SERAC1: variants seen among roughly 807,000 people sequenced by gnomAD.
SERAC1 encodes protein SERAC1.
A neutral mutation model predicts 85.7 loss-of-function variants in SERAC1; 36 were observed. The ratio of observed to expected loss-of-function variants is 0.42; its 90% CI spans 0.32 to 0.55. The LOEUF (loss-of-function observed/expected upper bound fraction) is 0.55. Among genes scored for constraint, SERAC1 ranks in the 20% least tolerant of loss-of-function variants. The probability of loss-of-function intolerance (pLI) is 0.11; values close to 1 mark genes in which losing one functional copy is unlikely to be tolerated. For synonymous variants in SERAC1, 242 were observed against 265.3 expected (o/e 0.91, Z 0.85); for missense variants, 629 against 796.2 (o/e 0.79, Z 2.53).
In SERAC1 at chr6:158,140,639, C is replaced by G. The variant is rs534160077; in HGVS notation, c.738+2417G>C. 9.2e-5 allele frequency among the ~76,000 whole-genome samples: 14 copies of G among 152,302 alleles called. 1 individual carries two copies. In the South Asian group the frequency reaches 2.5e-3, roughly 27 times the overall value. On this transcript the variant is annotated intron_variant, in intron 8 of 16. Coordinates refer to ENST00000647468, the MANE Select transcript of SERAC1 (RefSeq NM_032861.4). Reference sequence around the variant, plus strand: ...CCCAAGGTGGGGGTCATGGGCACTCCCAGTTTATGGCTGGTTGATCAGAAG... The same window carrying G: ...CCCAAGGTGGGGGTCATGGGCACTCGCAGTTTATGGCTGGTTGATCAGAAG...
At chr6:158,135,778 T>C (rs1272275561) in intron 8 of SERAC1, among the ~76,000 whole-genome samples, 1 of 152,140 alleles carries the variant, frequency 6.6e-6, no homozygotes, top group Non-Finnish European at 1.5e-5. Flanking sequence ...AAGGGAGGGA[T>C]GATATAACAA....
rs115373253 is a variant in SERAC1, at chr6:158,118,969, A to C, written c.1308+60T>G. The C allele has an allele frequency of 1.0e-3, 1,609 of 1,553,190 alleles. 15 individuals are homozygous for C. In the African/African-American group the frequency reaches 0.02, roughly 19 times the overall value. On this transcript the variant is annotated intron_variant, in intron 12 of 16. Coordinates refer to ENST00000647468, the MANE Select transcript of SERAC1 (RefSeq NM_032861.4). Reference sequence around the variant, plus strand: ...ACAAAGAGAAAAACAAGCAAGCCACAATCAGGGCCCCAGCAACCAGGGCCC... The same window carrying C: ...ACAAAGAGAAAAACAAGCAAGCCACCATCAGGGCCCCAGCAACCAGGGCCC...
chr6:158,122,757 G>A (rs1405017947), intron 10 of SERAC1, among the ~76,000 whole-genome samples: 1 of 152,192 alleles, frequency 6.6e-6, no homozygotes, highest in East Asian at 1.9e-4. Flanking sequence ...TCCAGCCTGG[G>A]CAACAGAGTG....
chr6:158,154,887 T>C (rs949383945), intron 3 of SERAC1, among the ~76,000 whole-genome samples: 1 of 152,116 alleles, frequency 6.6e-6, no homozygotes, highest in Non-Finnish European at 1.5e-5. Flanking sequence ...GTGCCCGATT[T>C]AAGCGTGCCG....
chr6:158,160,226 T>A (rs190281340), intron 1 of SERAC1, among the ~76,000 whole-genome samples: 3 of 152,060 alleles, frequency 2.0e-5, no homozygotes, highest in South Asian at 2.1e-4. Flanking sequence ...TTTTTTTTTT[T>A]ATTCATTAAG....
chr6:158,123,169 A>T (rs1405641810), intron 10 of SERAC1, among the ~76,000 whole-genome samples: 1 of 152,172 alleles, frequency 6.6e-6, no homozygotes, highest in East Asian at 1.9e-4. Flanking sequence ...TATGTAGGTA[A>T]CTCTTTCAGA....
intron 2 of SERAC1, among the ~76,000 whole-genome samples, chr6:158,156,219 G>A (rs979640062): frequency 6.6e-6 from 1 of 152,056 alleles, no homozygotes; most frequent in Admixed American, 6.6e-5. Context: ...TTTGGGTCTT[G>A]GAAAACTTTT....
In SERAC1 at chr6:158,119,570, AAG is replaced by A. The variant is rs926341493; in HGVS notation, c.1167-402_1167-401del. On this transcript the variant is annotated intron_variant, in intron 11 of 16. Transcript: ENST00000647468. The surrounding 1 kb of genome is among the most constrained non-coding windows in gnomAD (Gnocchi z 4.5). The stretch of plus-strand genomic sequence containing the variant: ...ACAGTTTCAAAGTCAGTATATATAA[AAG>A]AGATTTTCAAAAATGTGTTAAGGAA... Among the ~76,000 whole-genome samples the A allele has an allele frequency of 2.8e-4, 42 of 152,368 alleles. No homozygotes were observed. Among genetic ancestry groups the A allele is most frequent in the African/African-American group, 8.9e-4 (37 of 41,580 alleles).
intron 1 of SERAC1, chr6:158,158,827 T>C (rs34124489): frequency 0.037 from 5,625 of 152,664 alleles, 149 homozygotes; most frequent in South Asian, 0.069. Context: ...TTAGAATCCA[T>C]AGAAGCATTT....
At chr6:158,131,079 AACATT>A (rs1449886631) in intron 8 of SERAC1, among the ~76,000 whole-genome samples, 1 of 151,924 alleles carries the variant, frequency 6.6e-6, no homozygotes, top group Non-Finnish European at 1.5e-5. Context: ...CATAAATAAA[AACATT>A]TCAATTTTCT....
At chr6:158,150,733 A>T in intron 3 of SERAC1, 144 bp from the exon 4 acceptor site, 1 of 660,014 alleles carries the variant, frequency 1.5e-6, no homozygotes, top group South Asian at 1.9e-5. Flanking sequence ...TATAACATTT[A>T]TACAGTCATG....
rs79510891 is a variant in SERAC1 at position 158,130,613 on chromosome 6, T to C, written c.739-127A>G. 2.3e-3 allele frequency: 1,330 copies of C among 581,210 alleles called. 13 individuals are homozygous for C. The African/African-American group carries it at 0.024, about 10-fold the overall frequency. 36.0% of individuals were successfully genotyped at this position (581,210 alleles called of 1,614,324 possible). A position where few individuals can be genotyped will look rare whatever the true frequency, so the allele number is the denominator to read the frequency against. On this transcript the variant is annotated intron_variant, in intron 8 of 16. Coordinates refer to ENST00000647468, the MANE Select transcript of SERAC1 (RefSeq NM_032861.4). Reference sequence around the variant, plus strand: ...TACTAATGTGTAGGGCCTCAAAATATGTTGGAAATGTAAAAGGAACTTTAT... The same window carrying C: ...TACTAATGTGTAGGGCCTCAAAATACGTTGGAAATGTAAAAGGAACTTTAT...
intron 8 of SERAC1, among the ~76,000 whole-genome samples, chr6:158,138,406 G>A (rs1434854755): frequency 1.5e-5 from 2 of 132,610 alleles, no homozygotes; most frequent in African/African-American, 5.8e-5. Flanking sequence ...CTGAACTCCA[G>A]CCTGGGTGAC....
chr6:158,133,594 A>T (rs1396985954), intron 8 of SERAC1, among the ~76,000 whole-genome samples: 1 of 151,828 alleles, frequency 6.6e-6, no homozygotes, highest in Non-Finnish European at 1.5e-5. Flanking sequence ...ACCATGTTAG[A>T]CAGGATGGTC....
At chr6:158,136,447 T>C (rs1784794596) in intron 8 of SERAC1, among the ~76,000 whole-genome samples, 1 of 152,210 alleles carries the variant, frequency 6.6e-6, no homozygotes, top group East Asian at 1.9e-4. Flanking sequence ...TCGTGTTGGC[T>C]GTATGCTGGG....
chr6:158,165,772 T>C (rs1437656757), intron 1 of SERAC1, among the ~76,000 whole-genome samples: 4 of 152,136 alleles, frequency 2.6e-5, no homozygotes, highest in East Asian at 1.9e-4. Flanking sequence ...CCACGCAGAG[T>C]TGCTCTTCTC....
intron 15 of SERAC1, 92 bp downstream of exon 15, chr6:158,114,697 G>GAGATAATACATTCAAGGAATATAAAATT: frequency 1.3e-6 from 2 of 1,583,698 alleles, no homozygotes; most frequent in Non-Finnish European, 1.7e-6. Context: ...ATTATAAAAT[G>GAGATAATACATTCAAGGAATATAAAATT]AGATAATACA....
At chr6:158,163,377 T>G (rs9942466) in intron 1 of SERAC1, among the ~76,000 whole-genome samples, 3,888 of 152,300 alleles carry the variant, frequency 0.026, 171 homozygotes, top group African/African-American at 0.089. Flanking sequence ...AGGGAATAGA[T>G]GAATACACTA....
intron 8 of SERAC1, among the ~76,000 whole-genome samples, chr6:158,136,177 TAAAA>T (rs1217288143): frequency 6.6e-6 from 1 of 152,194 alleles, no homozygotes; most frequent in East Asian, 1.9e-4. Flanking sequence ...TATTCCAAAA[TAAAA>T]AGAGAAAAAT....
Sources: gnomAD v4.1 joint callset for allele counts (sites outside exome capture counted in the v4.1 genomes callset) on GRCh38, gnomAD v4.1.1 for gene constraint, Gnocchi (gnomAD v3.1) non-coding constraint, MANE v1.5 for transcripts, NCBI Gene and HGNC (gene_info 2026-07-23, HGNC 2026-07-21) for gene names.